The following ANKMY2 variants were observed in gnomAD, a reference collection of about 807,000 sequenced individuals.
The protein encoded by ANKMY2 is ankyrin repeat and MYND domain-containing protein 2.
ANKMY2 carries 36 observed loss-of-function variants against 50.4 expected under a neutral mutation model. The ratio of observed to expected loss-of-function variants is 0.71; its 90% CI spans 0.55 to 0.94. The LOEUF (loss-of-function observed/expected upper bound fraction) is 0.94, where lower values mean the gene tolerates loss of function less well. Among genes scored for constraint, ANKMY2 ranks in the 40% least tolerant of loss-of-function variants. The pLI is 0.00. For missense variants in ANKMY2, 565 were observed against 524.0 expected, an observed-to-expected ratio of 1.08 and a Z score of -0.76; for synonymous variants, 187 against 178.8, an observed-to-expected ratio of 1.05 and a Z score of -0.36.
At position 16,613,503 on chromosome 7, in the gene ANKMY2, G is replaced by C. The variant is rs540065606; in HGVS notation, c.531+2241C>G. Among the ~76,000 whole-genome samples the C allele has an allele frequency of 4.1e-4, 62 of 152,142 alleles. No individual in the cohort carries two copies. In the South Asian group the frequency reaches 9.6e-3, roughly 23 times the overall value. On this transcript the variant is annotated intron_variant, in intron 5 of 9. Coordinates refer to ENST00000306999, the MANE Select transcript of ANKMY2 (RefSeq NM_020319.3). The stretch of plus-strand genomic sequence containing the variant: ...GATTGTTTATACCTACAAAAAGCAA[G>C]GTCTGGTCTGGAGGAAGGTATATAA...
intron 7 of ANKMY2, among the ~76,000 whole-genome samples, chr7:16,606,169 G>A (rs1390889737): frequency 2.0e-5 from 3 of 151,994 alleles, no homozygotes; most frequent in African/African-American, 2.4e-5. Context: ...GGTGGCTAGC[G>A]CCTGTAATCC....
At chr7:16,636,041 C>T (rs76932827) in intron 2 of ANKMY2, among the ~76,000 whole-genome samples, 27 of 151,994 alleles carry the variant, frequency 1.8e-4, no homozygotes, top group African/African-American at 6.5e-4. Flanking sequence ...CGTGGTGGCT[C>T]ATGCCTATAA....
At chr7:16,640,676 C>T (rs982829988) in intron 1 of ANKMY2, among the ~76,000 whole-genome samples, 15 of 151,954 alleles carry the variant, frequency 9.9e-5, no homozygotes, top group Non-Finnish European at 1.9e-4. Context: ...TGCACGCCAC[C>T]GCACCCAGCT....
rs147344401 is a variant in ANKMY2, at chr7:16,604,806, G to T, written c.926C>A (p.Thr309Asn). ...TAFSVLTQAI[T>N]GQVGFVDVEF... ...CACATCCACAAAACCCACCTGGCCA[G>T]TGATGGCTTGGGTAAGGACGGAGAA... The change falls in exon 8 of 10, where the codon ACT (threonine) becomes AAT (asparagine). Residue 309 changes from threonine to asparagine, a missense_variant. Transcript: ENST00000306999. The T allele has an allele frequency of 5.0e-6, 8 of 1,613,958 alleles. No homozygotes were observed. In the African/African-American group the frequency reaches 9.3e-5, roughly 19 times the overall value.
In ANKMY2 at chr7:16,645,546, T is replaced by C. The variant is rs1781826479; in HGVS notation, c.28A>G (p.Thr10Ala). The C allele has an allele frequency of 6.2e-7, 1 of 1,612,008 alleles. No homozygotes were observed. Among genetic ancestry groups the C allele is most frequent in the Non-Finnish European group, 8.5e-7 (1 of 1,179,016 alleles). MVHIKKGELTQEEKELLEVI... is the reference protein window; with the variant it reads MVHIKKGELAQEEKELLEVI... ...TCCAGTAGCTCCTTCTCCTCCTGGGTCAGCTCGCCTTTCTTTATGTGAACC... is the reference window on the plus strand; with the variant it reads ...TCCAGTAGCTCCTTCTCCTCCTGGGCCAGCTCGCCTTTCTTTATGTGAACC... Residue 10 changes from threonine to alanine, a missense_variant, in exon 1 of 10, where the codon ACC (threonine) becomes GCC (alanine). Transcript: ENST00000306999.
intron 1 of ANKMY2, among the ~76,000 whole-genome samples, chr7:16,638,821 G>T (rs1342088639): frequency 6.6e-6 from 1 of 150,934 alleles, no homozygotes; most frequent in Non-Finnish European, 1.5e-5. Context: ...CAGGTACCAG[G>T]GTCAAAGACC....
At chr7:16,619,583 AT>A (rs1256133145) in intron 4 of ANKMY2, among the ~76,000 whole-genome samples, 7 of 152,062 alleles carry the variant, frequency 4.6e-5, no homozygotes, top group African/African-American at 1.7e-4. Context: ...TATTTGAATA[AT>A]ATGTTTAAAG....
rs1463077517 is a variant in ANKMY2 at position 16,610,557 on chromosome 7, C to T, written c.738G>A (p.Leu246=). 1.9e-6 allele frequency: 3 copies of T among 1,608,114 alleles called. No homozygotes were observed. Among genetic ancestry groups the T allele is most frequent in the South Asian group, 2.2e-5 (2 of 90,286 alleles). Residue 246 remains leucine (L), a synonymous_variant, in exon 6 of 10, where the codon TTG becomes TTA. Transcript: ENST00000306999. ...CATAGTAAAAAGAGTACCTTTTGAT[C>T]AAGGTGTCCAGTTTATTCTCTCCAT... is the stretch of plus-strand genomic sequence containing the variant. ...LKDGENKLDT[L]IKSLLKGRAS...
At chr7:16,604,325 C>T (rs1781118748) in intron 8 of ANKMY2, among the ~76,000 whole-genome samples, 1 of 152,228 alleles carries the variant, frequency 6.6e-6, no homozygotes, top group Non-Finnish European at 1.5e-5. Context: ...GATGAAGACA[C>T]TGTCATTAAA....
chr7:16,629,819 G>C (rs779324878), intron 2 of ANKMY2, among the ~76,000 whole-genome samples: 21 of 152,108 alleles, frequency 1.4e-4, no homozygotes, highest in Non-Finnish European at 2.6e-4. Flanking sequence ...TGACTGCAAT[G>C]ATTACTATGC....
Position 16,600,963 on chromosome 7 carries a change from A to T in ANKMY2, c.1142-18T>A. On this transcript the variant is annotated intron_variant, in intron 9 of 9. Transcript: ENST00000306999. Reference sequence around the variant, plus strand: ...TTTGCCGTCTGATTAAAAAAAGAAGAAGTTATTTTGTTCCTACCATGTGTC... The same window carrying T: ...TTTGCCGTCTGATTAAAAAAAGAAGTAGTTATTTTGTTCCTACCATGTGTC... The T allele has an allele frequency of 6.4e-7, 1 of 1,563,724 alleles. No individual in the cohort carries two copies. Among genetic ancestry groups the T allele is most frequent in the Non-Finnish European group, 8.7e-7 (1 of 1,153,302 alleles).
rs763001152 is a variant in ANKMY2, at chr7:16,627,106, C to T, written c.205G>A (p.Gly69Arg). The part of the protein sequence containing the change: ...LDMCKLLLRH[G>R]ADVNCHQHEH... ...TGCTGATGACAATTTACATCGGCTC[C>T]ATGTCGCAGTAGTAATTTGCACATA... Residue 69 changes from glycine (G) to arginine (R), a missense_variant, in exon 3 of 10, where the codon GGA becomes AGA. Physicochemically the swap from Gly to Arg is moderately radical, Grantham distance 125 (BLOSUM62 -2). Coordinates refer to ENST00000306999, the MANE Select transcript of ANKMY2 (RefSeq NM_020319.3). 2.5e-6 allele frequency: 4 copies of T among 1,612,690 alleles called. No individual in the cohort carries two copies. The highest frequency in any genetic ancestry group is 1.7e-5 in the Admixed American group (1 of 59,834).
intron 3 of ANKMY2, among the ~76,000 whole-genome samples, chr7:16,625,478 G>T (rs1409360634): frequency 6.6e-6 from 1 of 152,104 alleles, no homozygotes; most frequent in Non-Finnish European, 1.5e-5. Flanking sequence ...CACACTTACA[G>T]GCTCTGGAAG....
chr7:16,619,838 T>C (rs1781408020), intron 4 of ANKMY2, among the ~76,000 whole-genome samples: 2 of 152,170 alleles, frequency 1.3e-5, no homozygotes, highest in South Asian at 2.1e-4. Context: ...AACACACACA[T>C]ACAACAAGAC....
chr7:16,604,722 A>C lies in ANKMY2; in HGVS notation c.1010T>G (p.Met337Arg). 1 of 1,613,676 alleles carries C rather than the reference A, an allele frequency of 6.2e-7. No individual in the cohort carries two copies. The highest frequency in any genetic ancestry group is 8.5e-7 in the Non-Finnish European group (1 of 1,179,754). Reference sequence around the variant, plus strand: ...AAATAAAAAGAACTCCATTCTTACCATTTTGCAAACTGAACATCTTTTACT... The same window carrying C: ...AAATAAAAAGAACTCCATTCTTACCCTTTTGCAAACTGAACATCTTTTACT... ...GASKRCSVCK[M>R]VIYCDQTCQK... The change falls in exon 8 of 10, where the codon ATG (methionine) becomes AGG (arginine). Residue 337 changes from methionine to arginine, a missense_variant and splice_region_variant. Physicochemically the swap from Met to Arg is moderately conservative, Grantham distance 91. Transcript: ENST00000306999.
At chr7:16,623,514 G>A (rs983155869) in intron 4 of ANKMY2, among the ~76,000 whole-genome samples, 4 of 152,124 alleles carry the variant, frequency 2.6e-5, no homozygotes, top group African/African-American at 9.7e-5. Context: ...TGGATATAAT[G>A]AAAACTTGTA....
In ANKMY2 at chr7:16,600,735, A is replaced by G. The variant is rs747831436; in HGVS notation, c.*26T>C. The G allele has an allele frequency of 1.9e-6, 3 of 1,583,312 alleles. No individual in the cohort carries two copies. In the South Asian group the frequency reaches 3.5e-5, roughly 18 times the overall value. ...TCCAGCTTCTTGCAGGGTGAGGATC[A>G]TCCACACTGGCACTTGCTCTGGCTT... is the stretch of plus-strand genomic sequence containing the variant. On this transcript the variant is annotated 3_prime_UTR_variant, in exon 10 of 10. Transcript: ENST00000306999.
chr7:16,616,127 C>G (rs1781344180), intron 4 of ANKMY2, among the ~76,000 whole-genome samples: 1 of 152,032 alleles, frequency 6.6e-6, no homozygotes, highest in Non-Finnish European at 1.5e-5. Context: ...GACACAGAAT[C>G]CAAAATACAT....
intron 2 of ANKMY2, among the ~76,000 whole-genome samples, chr7:16,635,752 A>C (rs2128346215): frequency 6.6e-6 from 1 of 152,334 alleles, no homozygotes; most frequent in East Asian, 1.9e-4. Flanking sequence ...TAATATACTC[A>C]GTTAAAATTG....
Sources: gnomAD v4.1 joint callset for allele counts (sites outside exome capture counted in the v4.1 genomes callset) on GRCh38, gnomAD v4.1.1 for gene constraint, MANE v1.5 for transcripts, NCBI Gene and HGNC (gene_info 2026-07-23, HGNC 2026-07-21) for gene names.